SIRPA: variants seen among roughly 807,000 people sequenced by gnomAD.
The protein encoded by SIRPA is signal regulatory protein alpha.
Under a neutral mutation model 50.3 loss-of-function variants are expected in SIRPA, and 9 were observed. That is an observed-to-expected ratio of 0.18 (90% CI 0.11 to 0.31). The LOEUF (loss-of-function observed/expected upper bound fraction) is 0.31. Ranked by LOEUF, SIRPA falls within the 10% of genes least tolerant of loss-of-function variation. The probability of loss-of-function intolerance (pLI) is 1.00; values close to 1 mark genes in which losing one functional copy is unlikely to be tolerated. For synonymous variants in SIRPA, 265 were observed against 284.1 expected (o/e 0.93, Z 0.68); for missense variants, 474 against 661.6 (o/e 0.72, Z 3.11).
intron 1 of SIRPA, among the ~76,000 whole-genome samples, chr20:1,911,946 G>GAA (rs71193936): frequency 1.1e-4 from 11 of 104,084 alleles, no homozygotes; most frequent in Admixed American, 2.9e-4. Context: ...AGCAAGCAAG[G>GAA]AAAAAAAAAA....
At chr20:1,920,091 C>T (rs899810722) in intron 2 of SIRPA, among the ~76,000 whole-genome samples, 1 of 152,180 alleles carries the variant, frequency 6.6e-6, no homozygotes, top group African/African-American at 2.4e-5. Flanking sequence ...TGGCCCTGGG[C>T]CTCTCTGAGC....
chr20:1,902,289 G>A (rs576748741), intron 1 of SIRPA, among the ~76,000 whole-genome samples: 4 of 151,890 alleles, frequency 2.6e-5, no homozygotes, highest in African/African-American at 4.8e-5. Flanking sequence ...CCCTCACCAC[G>A]AGCCAAACAG....
rs1288754454 is a variant in SIRPA, at chr20:1,900,093, TTTTTTTTTTC to T, written c.79+4577_79+4586del. ...TCAGCTTGATATTTTCCTTGTAGCT[TTTTTTTTTTC>T]TTTTTTTTTTTTTTGAGATGGAGTT... On this transcript the variant is annotated intron_variant, in intron 1 of 7. Coordinates refer to ENST00000358771, the MANE Select transcript of SIRPA (RefSeq NM_001040023.2). Among the ~76,000 whole-genome samples, 1,259 of 138,726 alleles carry T rather than the reference TTTTTTTTTTC, an allele frequency of 9.1e-3. 22 individuals are homozygous for T. Among genetic ancestry groups the T allele is most frequent in the African/African-American group, 0.033 (1,193 of 36,662 alleles). The allele number at this position is 138,726 out of a possible 152,430, so 91.0% of individuals were successfully genotyped here.
rs1167090816 is a variant in SIRPA at position 1,928,415 on chromosome 20, T to G, written c.1226+516T>G. On this transcript the variant is annotated intron_variant, in intron 6 of 7. Transcript: ENST00000358771. The surrounding 1 kb of genome is among the most constrained non-coding windows in gnomAD (Gnocchi z 4.9). ...CACTGATGTACGTCACCGATGGCAC[T>G]TTAGTTTGTTGATTCACATTTTTAG... Among the ~76,000 whole-genome samples, 1 of 152,174 alleles carries G rather than the reference T, an allele frequency of 6.6e-6. No individual in the cohort carries two copies. The highest frequency in any genetic ancestry group is 1.5e-5 in the Non-Finnish European group (1 of 68,032).
intron 1 of SIRPA, among the ~76,000 whole-genome samples, chr20:1,907,839 C>T (rs1033199530): frequency 2.0e-5 from 3 of 152,194 alleles, no homozygotes; most frequent in Admixed American, 6.5e-5. Flanking sequence ...ACTGTGTAGT[C>T]CTGGCTGTTG....
intron 1 of SIRPA, among the ~76,000 whole-genome samples, chr20:1,895,769 T>A (rs1983766370): frequency 6.6e-6 from 1 of 152,204 alleles, no homozygotes; most frequent in South Asian, 2.1e-4. Context: ...TCTGACTCTG[T>A]GCACTGTGCT....
At position 1,895,982 on chromosome 20, in the gene SIRPA, T is replaced by G. The variant is rs189627167; in HGVS notation, c.79+456T>G. ...GAGGTCCTCCCGATGCTGCCTGGAA[T>G]GGAACAGAGACAAGCTGTTGCAATT... is the stretch of plus-strand genomic sequence containing the variant. On this transcript the variant is annotated intron_variant, in intron 1 of 7. Coordinates refer to ENST00000358771, the MANE Select transcript of SIRPA (RefSeq NM_001040023.2). Among the ~76,000 whole-genome samples, 642 of 152,302 alleles carry G rather than the reference T, an allele frequency of 4.2e-3. 1 individual carries two copies. The highest frequency in any genetic ancestry group is 0.014 in the Middle Eastern group (4 of 294).
chr20:1,931,381 G>A (rs1986289682), intron 6 of SIRPA, among the ~76,000 whole-genome samples: 1 of 152,092 alleles, frequency 6.6e-6, no homozygotes, highest in South Asian at 2.1e-4. Context: ...GATGACTTCA[G>A]CCTCGACATC....
chr20:1,895,387 C>A, upstream of SIRPA: 1 of 1,026,232 alleles, frequency 9.7e-7, no homozygotes, highest in Non-Finnish European at 1.3e-6. Flanking sequence ...CCGCTCCAGC[C>A]TGCTCCCGCC....
In SIRPA at chr20:1,927,639, C is replaced by T. The variant is rs1986059416; in HGVS notation, c.1202-236C>T. Among the ~76,000 whole-genome samples, 1 of 152,152 alleles carries T rather than the reference C, an allele frequency of 6.6e-6. No homozygotes were observed. Among genetic ancestry groups the T allele is most frequent in the African/African-American group, 2.4e-5 (1 of 41,430 alleles). Reference sequence around the variant, plus strand: ...TCCCAGGCTGAAGGCTGCTTTTGGACCCCTGGCAACTTCCAGAAGTGGAAA... The same window carrying T: ...TCCCAGGCTGAAGGCTGCTTTTGGATCCCTGGCAACTTCCAGAAGTGGAAA... On this transcript the variant is annotated intron_variant, in intron 5 of 7. Transcript: ENST00000358771. The surrounding 1 kb of genome is among the most constrained non-coding windows in gnomAD (Gnocchi z 6.5).
Position 1,934,510 on chromosome 20 carries a change from TG to T in SIRPA, c.1227-204del, listed in dbSNP as rs1184256541. Among the ~76,000 whole-genome samples the T allele has an allele frequency of 1.3e-5, 2 of 152,202 alleles. No homozygotes were observed. Among genetic ancestry groups the T allele is most frequent in the Non-Finnish European group, 2.9e-5 (2 of 68,026 alleles). On this transcript the variant is annotated intron_variant, in intron 6 of 7. Coordinates refer to ENST00000358771, the MANE Select transcript of SIRPA (RefSeq NM_001040023.2). This position sits in a 1 kb window ranked among gnomAD's most constrained non-coding sequence, Gnocchi z 4.6. The stretch of plus-strand genomic sequence containing the variant: ...TTGCCAATAGAGTAGGTTAAAAAAA[TG>T]ATAGTGCATTGCTTAGAATTCCTTT...
intron 1 of SIRPA, among the ~76,000 whole-genome samples, chr20:1,908,516 C>G (rs1166245933): frequency 6.6e-6 from 1 of 152,168 alleles, no homozygotes; most frequent in African/African-American, 2.4e-5. Context: ...CCCTAGCCCC[C>G]CATTCAGACA....
chr20:1,898,266 C>A lies in SIRPA; in HGVS notation c.79+2740C>A, dbSNP rs979741997. ...CTTCCTCTTTCGTAAGAAGAGAAAA[C>A]GGGGCGGGAGTGCTTTGGCTCAACA... On this transcript the variant is annotated intron_variant, in intron 1 of 7. Coordinates refer to ENST00000358771, the MANE Select transcript of SIRPA (RefSeq NM_001040023.2). The surrounding 1 kb of genome is among the most constrained non-coding windows in gnomAD (Gnocchi z 4.3). Among the ~76,000 whole-genome samples the A allele has an allele frequency of 6.6e-6, 1 of 152,186 alleles. No homozygotes were observed. The highest frequency in any genetic ancestry group is 1.5e-5 in the Non-Finnish European group (1 of 68,022).
chr20:1,928,006 G>C lies in SIRPA; in HGVS notation c.1226+107G>C. On this transcript the variant is annotated intron_variant, in intron 6 of 7. Coordinates refer to ENST00000358771, the MANE Select transcript of SIRPA (RefSeq NM_001040023.2). This position sits in a 1 kb window ranked among gnomAD's most constrained non-coding sequence, Gnocchi z 4.9. ...TGTCCACTGACCTCACCAATGTGTTGGTCAACATGTCTCTTTCTCTCCTTT... is the reference window on the plus strand; with the variant it reads ...TGTCCACTGACCTCACCAATGTGTTCGTCAACATGTCTCTTTCTCTCCTTT... 1 of 916,128 alleles carries C rather than the reference G, an allele frequency of 1.1e-6. No individual in the cohort carries two copies. The highest frequency in any genetic ancestry group is 1.7e-5 in the Admixed American group (1 of 58,010). The allele number at this position is 916,128 out of a possible 1,614,324, so 56.7% of individuals were successfully genotyped here. A position where few individuals can be genotyped will look rare whatever the true frequency, so the allele number is the denominator to read the frequency against.
chr20:1,912,640 C>T (rs563665902), intron 1 of SIRPA, among the ~76,000 whole-genome samples: 3 of 152,216 alleles, frequency 2.0e-5, no homozygotes, highest in Admixed American at 6.5e-5. Context: ...AGAATTAAAA[C>T]TTACCCAGCA....
Position 1,936,291 on chromosome 20 carries a change from A to G in SIRPA, c.1267-1029A>G, listed in dbSNP as rs1986570483. Reference sequence around the variant, plus strand: ...AGGATTAGCACATGGGAGGTATCCAAGTTTGCTAAGTGGTTAATGATTGCG... The same window carrying G: ...AGGATTAGCACATGGGAGGTATCCAGGTTTGCTAAGTGGTTAATGATTGCG... On this transcript the variant is annotated intron_variant, in intron 7 of 7. Coordinates refer to ENST00000358771, the MANE Select transcript of SIRPA (RefSeq NM_001040023.2). The surrounding 1 kb of genome is among the most constrained non-coding windows in gnomAD (Gnocchi z 4.2). Among the ~76,000 whole-genome samples the G allele has an allele frequency of 6.6e-6, 1 of 152,188 alleles. No homozygotes were observed. The highest frequency in any genetic ancestry group is 2.1e-4 in the South Asian group (1 of 4,826).
chr20:1,896,192 T>C lies in SIRPA; in HGVS notation c.79+666T>C, dbSNP rs537714243. Among the ~76,000 whole-genome samples, 6 of 152,292 alleles carry C rather than the reference T, an allele frequency of 3.9e-5. No homozygotes were observed. The East Asian group carries it at 1.2e-3, about 29-fold the overall frequency. Reference sequence around the variant, plus strand: ...GCCTCTCCCTGGTGGTCTTGCTCCTTGAGGCGCTCCCAGCTCCCCCTTCCT... The same window carrying C: ...GCCTCTCCCTGGTGGTCTTGCTCCTCGAGGCGCTCCCAGCTCCCCCTTCCT... On this transcript the variant is annotated intron_variant, in intron 1 of 7. Transcript: ENST00000358771.
intron 2 of SIRPA, among the ~76,000 whole-genome samples, chr20:1,916,719 C>G (rs1291926971): frequency 6.6e-6 from 1 of 152,198 alleles, no homozygotes; most frequent in Non-Finnish European, 1.5e-5. Context: ...ATTTATTTTA[C>G]CATCTTCCAT....
In SIRPA at chr20:1,927,996, C is replaced by T; in HGVS notation, c.1226+97C>T. The T allele has an allele frequency of 9.9e-7, 1 of 1,006,750 alleles. No homozygotes were observed. The highest frequency in any genetic ancestry group is 1.6e-6 in the Non-Finnish European group (1 of 627,172). The allele number at this position is 1,006,750 out of a possible 1,614,324, so 62.4% of individuals were successfully genotyped here. The stretch of plus-strand genomic sequence containing the variant: ...GCATAATCCATGTCCACTGACCTCA[C>T]CAATGTGTTGGTCAACATGTCTCTT... On this transcript the variant is annotated intron_variant, in intron 6 of 7. Transcript: ENST00000358771. This position sits in a 1 kb window ranked among gnomAD's most constrained non-coding sequence, Gnocchi z 6.5.
Sources: gnomAD v4.1 joint callset for allele counts (sites outside exome capture counted in the v4.1 genomes callset) on GRCh38, gnomAD v4.1.1 for gene constraint, Gnocchi (gnomAD v3.1) non-coding constraint, MANE v1.5 for transcripts, NCBI Gene and HGNC (gene_info 2026-07-23, HGNC 2026-07-21) for gene names.